The following PIKFYVE variants were observed in gnomAD, a reference collection of about 807,000 sequenced individuals.
The protein encoded by PIKFYVE is phosphoinositide kinase, FYVE-type zinc finger containing.
In PIKFYVE, 122 loss-of-function variants were observed where a neutral mutation model predicts 257.9. The observed-to-expected ratio is 0.47, with a 90% CI of 0.41 to 0.55. PIKFYVE has a LOEUF of 0.55. Among genes scored for constraint, PIKFYVE ranks in the 20% least tolerant of loss-of-function variants. PIKFYVE has a pLI of 0.00. For synonymous variants in PIKFYVE, 892 were observed against 868.9 expected (o/e 1.03, Z -0.47); for missense variants, 2,160 against 2,536.6 (o/e 0.85, Z 3.19).
Position 208,327,008 on chromosome 2 carries a change from T to C in PIKFYVE, c.3618+579T>C, listed in dbSNP as rs192389537. Among the ~76,000 whole-genome samples the C allele has an allele frequency of 3.3e-4, 50 of 152,310 alleles. No homozygotes were observed. In the East Asian group the frequency reaches 5.0e-3, roughly 15 times the overall value. On this transcript the variant is annotated intron_variant, in intron 20 of 41. Coordinates refer to ENST00000264380, the MANE Select transcript of PIKFYVE (RefSeq NM_015040.4). Reference sequence around the variant, plus strand: ...ACTAATTAACAAATCCATTGCTAGATGAGGAAATGCAATTGTTTAATAAAA... The same window carrying C: ...ACTAATTAACAAATCCATTGCTAGACGAGGAAATGCAATTGTTTAATAAAA...
At chr2:208,299,358 C>T (rs565297816) in intron 8 of PIKFYVE, among the ~76,000 whole-genome samples, 13 of 151,636 alleles carry the variant, frequency 8.6e-5, no homozygotes, top group South Asian at 2.1e-4. Context: ...GGCGCAATCT[C>T]GGCTCACTGC....
chr2:208,280,374 A>G (rs1690653815), intron 5 of PIKFYVE, among the ~76,000 whole-genome samples: 3 of 152,230 alleles, frequency 2.0e-5, no homozygotes, highest in African/African-American at 7.2e-5. Flanking sequence ...CACTAAACTC[A>G]CAGTGAGATG....
chr2:208,308,167 G>A (rs1445009060), intron 12 of PIKFYVE, among the ~76,000 whole-genome samples: 1 of 152,124 alleles, frequency 6.6e-6, no homozygotes, highest in Non-Finnish European at 1.5e-5. Flanking sequence ...GGGTGGCTGA[G>A]GCAGGCGGAT....
At chr2:208,306,564 A>G (rs1694335764) in intron 12 of PIKFYVE, among the ~76,000 whole-genome samples, 1 of 152,176 alleles carries the variant, frequency 6.6e-6, no homozygotes, top group African/African-American at 2.4e-5. Flanking sequence ...TCATCATAGA[A>G]TTTGTAATAG....
intron 40 of PIKFYVE, 72 bp downstream of exon 40, chr2:208,354,231 C>G (rs770631812): frequency 2.0e-6 from 3 of 1,518,122 alleles, no homozygotes; most frequent in Non-Finnish European, 2.7e-6. Context: ...TCTATTGAAC[C>G]TGGTCTAATA....
chr2:208,331,193 G>GT (rs1166878311), intron 23 of PIKFYVE, among the ~76,000 whole-genome samples: 1 of 151,986 alleles, frequency 6.6e-6, no homozygotes, highest in African/African-American at 2.4e-5. Flanking sequence ...ATCTCTATTG[G>GT]TTTTTATGCA....
chr2:208,345,253 C>T (rs573844506), intron 33 of PIKFYVE, 59 bp downstream of exon 33: 7 of 1,368,210 alleles, frequency 5.1e-6, no homozygotes, highest in Middle Eastern at 1.8e-4. Flanking sequence ...TTTCTATATG[C>T]TTGTACTTCA....
rs114507518 is a variant in PIKFYVE at position 208,312,119 on chromosome 2, G to T, written c.1637-117G>T. The T allele has an allele frequency of 9.8e-4, 776 of 788,262 alleles. 5 individuals are homozygous for T. The African/African-American group carries it at 0.012, about 12-fold the overall frequency. 48.8% of individuals were successfully genotyped at this position (788,262 alleles called of 1,614,324 possible). ...TTCTTGAATTTGCCGGGCAGTGATG[G>T]GTTTAGTATGAGTAATATTTTGTGT... On this transcript the variant is annotated intron_variant, in intron 12 of 41. Transcript: ENST00000264380.
chr2:208,293,716 G>C (rs1034646694), intron 7 of PIKFYVE, among the ~76,000 whole-genome samples: 1 of 148,928 alleles, frequency 6.7e-6, no homozygotes, highest in African/African-American at 2.5e-5. Context: ...GGGTCTTGCT[G>C]TGTTGCCCAG....
intron 24 of PIKFYVE, among the ~76,000 whole-genome samples, chr2:208,334,097 T>G (rs1697860007): frequency 6.6e-6 from 1 of 152,272 alleles, no homozygotes; most frequent in Non-Finnish European, 1.5e-5. Flanking sequence ...ATTGTGGTAT[T>G]AAATAATTTG....
intron 32 of PIKFYVE, among the ~76,000 whole-genome samples, chr2:208,343,918 G>A (rs537763956): frequency 2.7e-5 from 4 of 146,994 alleles, no homozygotes; most frequent in Non-Finnish European, 4.5e-5. Flanking sequence ...TGCAAGCTCC[G>A]CCTCCGGGTT....
intron 3 of PIKFYVE, among the ~76,000 whole-genome samples, chr2:208,275,658 A>G (rs906603316): frequency 3.2e-4 from 48 of 152,180 alleles, no homozygotes; most frequent in African/African-American, 1.1e-3. Flanking sequence ...TTCTTTGTAA[A>G]CTTTAGATCC....
At position 208,325,721 on chromosome 2, in the gene PIKFYVE, T is replaced by C; in HGVS notation, c.2910T>C (p.Ala970=). Residue 970 remains alanine, a synonymous_variant, in exon 20 of 42, where the codon GCT becomes GCC. Coordinates refer to ENST00000264380, the MANE Select transcript of PIKFYVE (RefSeq NM_015040.4). ...CTTGCCCGGCGGGTCTCCCTTGTGCTTTCTTTGCACCTGTACCGGAATCAT... is the reference window on the plus strand; with the variant it reads ...CTTGCCCGGCGGGTCTCCCTTGTGCCTTCTTTGCACCTGTACCGGAATCAT... The part of the protein sequence containing the change: ...TTACPAGLPC[A]FFAPVPESLL... The C allele has an allele frequency of 1.2e-6, 2 of 1,613,296 alleles. No individual in the cohort carries two copies. The highest frequency in any genetic ancestry group is 1.7e-6 in the Non-Finnish European group (2 of 1,179,428).
At chr2:208,339,188 T>C (rs1162059887) in intron 29 of PIKFYVE, among the ~76,000 whole-genome samples, 1 of 152,226 alleles carries the variant, frequency 6.6e-6, no homozygotes, top group East Asian at 1.9e-4. Flanking sequence ...TCAGTCTTGG[T>C]TGACAGTTGC....
intron 32 of PIKFYVE, among the ~76,000 whole-genome samples, chr2:208,344,099 T>C (rs1373727974): frequency 2.0e-5 from 3 of 152,126 alleles, no homozygotes; most frequent in African/African-American, 7.2e-5. Context: ...CTTACAGGCG[T>C]GAGCCACCGC....
chr2:208,267,980 G>T (rs571453999), intron 1 of PIKFYVE, among the ~76,000 whole-genome samples: 1 of 152,324 alleles, frequency 6.6e-6, no homozygotes, highest in African/African-American at 2.4e-5. Flanking sequence ...TAGTAGGTCT[G>T]CATATATTAG....
At chr2:208,350,686 G>A in intron 36 of PIKFYVE, 85 bp from the exon 37 acceptor site, 1 of 1,434,384 alleles carries the variant, frequency 7.0e-7, no homozygotes, top group South Asian at 1.1e-5. Context: ...GGTTGCATTT[G>A]GCCAGGGTAG....
chr2:208,350,991 T>C lies in PIKFYVE; in HGVS notation c.5611+44T>C. 7 of 1,606,828 alleles carry C rather than the reference T, an allele frequency of 4.4e-6. No individual in the cohort carries two copies. In the South Asian group the frequency reaches 7.7e-5, roughly 18 times the overall value. On this transcript the variant is annotated intron_variant, in intron 37 of 41. Coordinates refer to ENST00000264380, the MANE Select transcript of PIKFYVE (RefSeq NM_015040.4). ...TTATTGATTGGTTCAGTAGTCTTCA[T>C]CTCTTTACCTCAGAAAATGCAGCAG... is the stretch of plus-strand genomic sequence containing the variant.
At chr2:208,341,682 A>G (rs374524529) in intron 31 of PIKFYVE, among the ~76,000 whole-genome samples, 13 of 152,272 alleles carry the variant, frequency 8.5e-5, no homozygotes, top group African/African-American at 3.1e-4. Context: ...AAGGAGGCTG[A>G]GAGAGCTGTG....
Sources: gnomAD v4.1 joint callset for allele counts (sites outside exome capture counted in the v4.1 genomes callset) on GRCh38, gnomAD v4.1.1 for gene constraint, MANE v1.5 for transcripts, NCBI Gene and HGNC (gene_info 2026-07-23, HGNC 2026-07-21) for gene names.